The following UQCC6 variants were observed in gnomAD, a reference collection of about 807,000 sequenced individuals.
The protein encoded by UQCC6 is protein BRAWNIN.
the UQCC6 span, among the ~76,000 whole-genome samples, chr12:103,959,203 C>T: frequency 2.6e-5 from 4 of 152,192 alleles, no homozygotes; most frequent in African/African-American, 9.7e-5. Flanking sequence ...TCCATTCTTA[C>T]TCTTTGTGCT....
At chr12:103,952,637 A>T in the UQCC6 span, among the ~76,000 whole-genome samples, 1 of 152,214 alleles carries the variant, frequency 6.6e-6, no homozygotes, top group Non-Finnish European at 1.5e-5. Flanking sequence ...TCCCATCAAC[A>T]ATGCGTGAGG....
At chr12:103,956,555 G>T in the UQCC6 span, 1 of 985,200 alleles carries the variant, frequency 1.0e-6, no homozygotes, top group Non-Finnish European at 1.6e-6. Context: ...ATAAAGGAAT[G>T]CCTAAGGCTG....
chr12:103,954,629 CATTTCGGCGTGAA>C, the UQCC6 span: 2 of 331,744 alleles, frequency 6.0e-6, no homozygotes, highest in Non-Finnish European at 1.1e-5. Context: ...TTGGGGATCA[CATTTCGGCGTGAA>C]ATTTGGAGGA....
chr12:103,953,859 G>T, the UQCC6 span, among the ~76,000 whole-genome samples: 8 of 152,288 alleles, frequency 5.3e-5, no homozygotes, highest in East Asian at 1.2e-3. Flanking sequence ...ACTTCCCAGG[G>T]TCAAATCCCA....
At chr12:103,957,940 TTATATTATATATTTTTAATA>T in the UQCC6 span, among the ~76,000 whole-genome samples, 109 of 144,360 alleles carry the variant, frequency 7.6e-4, no homozygotes, top group South Asian at 3.4e-3. Flanking sequence ...TATACATATT[TTATATTATATATTTTTAATA>T]TATATTATAT....
At chr12:103,961,932 T>C in the UQCC6 span, among the ~76,000 whole-genome samples, 1 of 152,168 alleles carries the variant, frequency 6.6e-6, no homozygotes, top group South Asian at 2.1e-4. Flanking sequence ...TTGCCTACAG[T>C]ATTCACTATA....
At chr12:103,956,665 G>T in the UQCC6 span, 1 of 1,551,672 alleles carries the variant, frequency 6.4e-7, no homozygotes, top group Non-Finnish European at 8.7e-7. Context: ...CACCACTTCT[G>T]CCCCTGCGCA....
the UQCC6 span, among the ~76,000 whole-genome samples, chr12:103,955,159 T>C: frequency 2.6e-5 from 4 of 151,502 alleles, no homozygotes; most frequent in African/African-American, 9.7e-5. Flanking sequence ...TACTAAAAAA[T>C]AGAAAAACTT....
chr12:103,963,831 T>C, the UQCC6 span, among the ~76,000 whole-genome samples: 3 of 152,220 alleles, frequency 2.0e-5, no homozygotes, highest in Non-Finnish European at 4.4e-5. Flanking sequence ...TACTAGGTTT[T>C]TTGTAGGTTC....
chr12:103,954,741 G>A, the UQCC6 span: 2 of 529,770 alleles, frequency 3.8e-6, no homozygotes, highest in Admixed American at 7.1e-5. Flanking sequence ...TAGTTAACGT[G>A]TCGTGAGCAG....
At chr12:103,950,626 T>G in the UQCC6 span, 2 of 152,218 alleles carry the variant, frequency 1.3e-5, no homozygotes, top group East Asian at 3.8e-4. Context: ...ATGGCGCATT[T>G]CCATGACCAC....
At chr12:103,958,673 G>A in the UQCC6 span, among the ~76,000 whole-genome samples, 3 of 152,060 alleles carry the variant, frequency 2.0e-5, no homozygotes, top group African/African-American at 7.2e-5. Flanking sequence ...GACTACAATT[G>A]GTTTATCTAT....
the UQCC6 span, among the ~76,000 whole-genome samples, chr12:103,963,074 C>CT: frequency 0.38 from 52,935 of 138,040 alleles, 10,676 homozygotes; most frequent in African/African-American, 0.44. Flanking sequence ...TAATACTACA[C>CT]TTTTTTTTTT....
At chr12:103,953,669 T>G in the UQCC6 span, 2 of 673,762 alleles carry the variant, frequency 3.0e-6, no homozygotes, top group East Asian at 2.7e-5. Flanking sequence ...GCCTTCAAGT[T>G]CCTACAGAGA....
chr12:103,953,694 T>C, the UQCC6 span: 3 of 652,746 alleles, frequency 4.6e-6, no homozygotes, highest in Non-Finnish European at 8.3e-6. Flanking sequence ...CCATTGCCAA[T>C]GTCACCACCC....
the UQCC6 span, chr12:103,950,716 G>C: frequency 1.3e-5 from 2 of 152,146 alleles, no homozygotes; most frequent in Admixed American, 6.5e-5. Context: ...CTTAGAACCA[G>C]TACTTAATGA....
chr12:103,954,838 G>T, the UQCC6 span: 2 of 663,328 alleles, frequency 3.0e-6, no homozygotes, highest in South Asian at 1.6e-5. Context: ...CAAGAGTATT[G>T]GATTATTTTA....
the UQCC6 span, chr12:103,953,244 G>T: frequency 3.0e-6 from 2 of 668,680 alleles, no homozygotes; most frequent in Admixed American, 2.1e-5. Context: ...CAAAAGAGGT[G>T]GTGAGAAGCA....
At chr12:103,961,579 CAG>C in the UQCC6 span, among the ~76,000 whole-genome samples, 1 of 150,822 alleles carries the variant, frequency 6.6e-6, no homozygotes, top group African/African-American at 2.4e-5. Flanking sequence ...TGTTTTGAGA[CAG>C]AGTCTCGCTC....
Sources: gnomAD v4.1 joint callset for allele counts (sites outside exome capture counted in the v4.1 genomes callset) on GRCh38, gnomAD v4.1.1 for gene constraint, MANE v1.5 for transcripts, NCBI Gene and HGNC (gene_info 2026-07-23, HGNC 2026-07-21) for gene names.